Variants in NRG3 observed in about 807,000 individuals in gnomAD.
NRG3 encodes pro-neuregulin-3, membrane-bound isoform.
Under a neutral mutation model 66.9 loss-of-function variants are expected in NRG3, and 31 were observed. The ratio of observed to expected loss-of-function variants is 0.46; its 90% CI spans 0.35 to 0.63. NRG3 has a LOEUF of 0.63. Ranked by LOEUF, NRG3 falls within the 20% of genes least tolerant of loss-of-function variation. The pLI is 0.00. For synonymous variants in NRG3, 393 were observed against 359.4 expected, an observed-to-expected ratio of 1.09 and a Z score of -1.06; for missense variants, 910 against 878.9, an observed-to-expected ratio of 1.04 and a Z score of -0.45.
At chr10:82,006,472 GTTTA>G (rs1468307669) in intron 1 of NRG3, among the ~76,000 whole-genome samples, 9 of 151,788 alleles carry the variant, frequency 5.9e-5, no homozygotes, top group Admixed American at 4.6e-4. Context: ...GTTCAAATAT[GTTTA>G]TTTTTCTTTT....
chr10:82,918,959 C>G (rs1176339657), intron 4 of NRG3, among the ~76,000 whole-genome samples: 1 of 152,052 alleles, frequency 6.6e-6, no homozygotes, highest in African/African-American at 2.4e-5. Flanking sequence ...CCTACCTGTT[C>G]TAGGTTTCTG....
chr10:82,927,074 C>T (rs1286234243), intron 4 of NRG3, among the ~76,000 whole-genome samples: 4 of 152,112 alleles, frequency 2.6e-5, no homozygotes, highest in African/African-American at 9.7e-5. Flanking sequence ...AAGGACTGCC[C>T]ATCTGTCCTT....
intron 1 of NRG3, among the ~76,000 whole-genome samples, chr10:82,215,799 T>C (rs1336292): frequency 0.11 from 16,855 of 152,140 alleles, 1,045 homozygotes; most frequent in Middle Eastern, 0.18. Context: ...ATCATGCCTT[T>C]GTACTTTTAT....
At position 82,979,076 on chromosome 10, in the gene NRG3, C is replaced by G; in HGVS notation, c.1539C>G (p.Leu513=). Residue 513 remains leucine, a synonymous_variant, in exon 8 of 9, where the codon CTC becomes CTG. Coordinates refer to ENST00000372141, the MANE Select transcript of NRG3 (RefSeq NM_001010848.4). ...GGIVGPAYQQ[L]EESRIPDQDT... ...TTGTGGGACCAGCATATCAGCAACT[C>G]GAAGAATCAAGGATCCCAGACCAGG... The G allele has an allele frequency of 8.1e-6, 13 of 1,614,042 alleles. No homozygotes were observed. The highest frequency in any genetic ancestry group is 1.1e-5 in the Non-Finnish European group (13 of 1,179,970).
chr10:82,744,806 A>T (rs144512951), intron 3 of NRG3, among the ~76,000 whole-genome samples: 8 of 152,306 alleles, frequency 5.3e-5, no homozygotes, highest in Non-Finnish European at 1.2e-4. Context: ...AATCTGTAAC[A>T]TATATAGCTG....
intron 2 of NRG3, among the ~76,000 whole-genome samples, chr10:82,652,399 C>T (rs1456350125): frequency 6.6e-6 from 1 of 152,138 alleles, no homozygotes; most frequent in African/African-American, 2.4e-5. Flanking sequence ...AAGTGGCTCT[C>T]AGCAGGAAGG....
intron 1 of NRG3, among the ~76,000 whole-genome samples, chr10:81,968,136 G>T (rs142563373): frequency 1.2e-4 from 18 of 152,290 alleles, no homozygotes; most frequent in African/African-American, 4.1e-4. Flanking sequence ...CTGCATTTGG[G>T]CAGGCTCTGC....
chr10:82,940,484 C>T (rs1848491861), intron 4 of NRG3, among the ~76,000 whole-genome samples: 1 of 152,142 alleles, frequency 6.6e-6, no homozygotes, highest in South Asian at 2.1e-4. Flanking sequence ...ACTAAGGACA[C>T]AGTAATATTG....
intron 1 of NRG3, among the ~76,000 whole-genome samples, chr10:82,010,064 A>G (rs1007110713): frequency 1.3e-5 from 2 of 152,198 alleles, no homozygotes; most frequent in Non-Finnish European, 2.9e-5. Context: ...TGTGTCCACA[A>G]TGCAGAACTT....
chr10:82,955,439 A>C (rs1303993891), intron 5 of NRG3, among the ~76,000 whole-genome samples: 1 of 151,950 alleles, frequency 6.6e-6, no homozygotes, highest in Admixed American at 6.5e-5. Context: ...AATGACTGTA[A>C]ATTATTCAAG....
At chr10:82,350,412 TAATC>T (rs2083357556) in intron 1 of NRG3, among the ~76,000 whole-genome samples, 1 of 152,196 alleles carries the variant, frequency 6.6e-6, no homozygotes, top group Non-Finnish European at 1.5e-5. Flanking sequence ...TAAGATCCCA[TAATC>T]TAGTTTGAGA....
intron 1 of NRG3, among the ~76,000 whole-genome samples, chr10:82,166,243 T>A (rs1441273679): frequency 6.6e-6 from 1 of 152,140 alleles, no homozygotes; most frequent in African/African-American, 2.4e-5. Flanking sequence ...GGTCTCTAAC[T>A]CCTGACCTCA....
intron 2 of NRG3, among the ~76,000 whole-genome samples, chr10:82,614,159 A>G (rs2048491141): frequency 1.3e-5 from 2 of 152,078 alleles, no homozygotes; most frequent in Non-Finnish European, 2.9e-5. Context: ...TGGCCTCCCA[A>G]AGCTCTGGGA....
intron 3 of NRG3, among the ~76,000 whole-genome samples, chr10:82,809,919 C>G (rs2061425008): frequency 6.6e-6 from 1 of 150,866 alleles, no homozygotes; most frequent in Non-Finnish European, 1.5e-5. Flanking sequence ...AAAGGCATTT[C>G]AATAATCCAA....
At chr10:82,711,535 T>TTGTGTGTGTGTG (rs10603040) in intron 2 of NRG3, among the ~76,000 whole-genome samples, 1 of 148,290 alleles carries the variant, frequency 6.7e-6, no homozygotes, top group South Asian at 2.2e-4. Context: ...ATCTGTGTGT[T>TTGTGTGTGTGTG]TGTGTGTGTG....
At chr10:82,575,361 G>C (rs1406010907) in intron 2 of NRG3, among the ~76,000 whole-genome samples, 1 of 151,714 alleles carries the variant, frequency 6.6e-6, no homozygotes, top group Non-Finnish European at 1.5e-5. Context: ...AAAAGATTTA[G>C]AGCTGTGGTG....
In NRG3 at chr10:82,765,159, G is replaced by A. The variant is rs550263952; in HGVS notation, c.1027+26509G>A. Among the ~76,000 whole-genome samples the A allele has an allele frequency of 5.3e-5, 8 of 151,994 alleles. No homozygotes were observed. In the South Asian group the frequency reaches 1.7e-3, roughly 32 times the overall value. ...AACCAGAACAAAAACCAGTACCTAT[G>A]AACAATAGAAAATAAAGAAGACATT... On this transcript the variant is annotated intron_variant, in intron 3 of 8. Transcript: ENST00000372141.
chr10:82,856,769 A>G (rs1184972793), intron 3 of NRG3, among the ~76,000 whole-genome samples: 4 of 151,074 alleles, frequency 2.6e-5, no homozygotes, highest in Non-Finnish European at 5.9e-5. Flanking sequence ...AAAAAAAAAA[A>G]AAAAGAAAAG....
At chr10:82,969,944 C>A (rs2132548179) in intron 6 of NRG3, among the ~76,000 whole-genome samples, 1 of 152,238 alleles carries the variant, frequency 6.6e-6, no homozygotes, top group African/African-American at 2.4e-5. Flanking sequence ...CTATTAATTG[C>A]ACCTTCCTTA....
Sources: gnomAD v4.1 joint callset for allele counts (sites outside exome capture counted in the v4.1 genomes callset) on GRCh38, gnomAD v4.1.1 for gene constraint, MANE v1.5 for transcripts, NCBI Gene and HGNC (gene_info 2026-07-23, HGNC 2026-07-21) for gene names.